ZFYVE26: variants seen among roughly 807,000 people sequenced by gnomAD.
The protein encoded by ZFYVE26 is zinc finger FYVE-type containing 26.
ZFYVE26 carries 181 observed loss-of-function variants against 276.5 expected under a neutral mutation model. The ratio of observed to expected loss-of-function variants is 0.65; its 90% CI spans 0.58 to 0.74. ZFYVE26 has a LOEUF of 0.74. Among genes scored for constraint, ZFYVE26 ranks in the 30% least tolerant of loss-of-function variants. The pLI is 0.00. For missense variants in ZFYVE26, 2,821 were observed against 3,097.9 expected (o/e 0.91, Z 2.12); for synonymous variants, 1,129 against 1,203.1 (o/e 0.94, Z 1.27).
intron 35 of ZFYVE26, among the ~76,000 whole-genome samples, chr14:67,757,817 C>A (rs534858957): frequency 6.6e-6 from 1 of 152,066 alleles, no homozygotes; most frequent in Admixed American, 6.6e-5. Context: ...TGGGTTCAAG[C>A]GATTCTCCTG....
Position 67,797,725 on chromosome 14 carries a change from G to T in ZFYVE26, c.2279C>A (p.Ala760Asp), listed in dbSNP as rs1417796373. 1 of 1,614,192 alleles carries T rather than the reference G, an allele frequency of 6.2e-7. No individual in the cohort carries two copies. The highest frequency in any genetic ancestry group is 8.5e-7 in the Non-Finnish European group (1 of 1,180,036). Reference protein sequence around the residue: ...EEQPSRRYQPATRHPSLRRGR... With the variant: ...EEQPSRRYQPDTRHPSLRRGR... ...CCGGCGGAGACTGGGGTGACGTGTGGCAGGCTGGTATCTTCGGGAAGGTTG... is the reference window on the plus strand; with the variant it reads ...CCGGCGGAGACTGGGGTGACGTGTGTCAGGCTGGTATCTTCGGGAAGGTTG... The change falls in exon 12 of 42, where the codon GCC (alanine) becomes GAC (aspartate). Residue 760 changes from alanine to aspartate, a missense_variant. Coordinates refer to ENST00000347230, the MANE Select transcript of ZFYVE26 (RefSeq NM_015346.4).
At chr14:67,770,763 A>T (rs2039188955) in intron 28 of ZFYVE26, among the ~76,000 whole-genome samples, 1 of 152,184 alleles carries the variant, frequency 6.6e-6, no homozygotes, top group African/African-American at 2.4e-5. Flanking sequence ...GAATTTAAAG[A>T]TTAGAAACTC....
intron 23 of ZFYVE26, among the ~76,000 whole-genome samples, chr14:67,779,086 T>C (rs2039427957): frequency 6.7e-6 from 1 of 150,006 alleles, no homozygotes; most frequent in Admixed American, 6.6e-5. Context: ...ACTTCCTGAA[T>C]GAACGAACAT....
intron 12 of ZFYVE26, chr14:67,797,224 A>G (rs911775997): frequency 4.6e-6 from 1 of 216,298 alleles, no homozygotes; most frequent in Admixed American, 5.2e-5. Context: ...CTGTATTTAC[A>G]CAAGTATGCA....
chr14:67,789,171 C>G (rs1298613742), intron 16 of ZFYVE26, among the ~76,000 whole-genome samples, 164 bp downstream of exon 16: 1 of 152,190 alleles, frequency 6.6e-6, no homozygotes, highest in Non-Finnish European at 1.5e-5. Flanking sequence ...TTTTGTCTCT[C>G]AACAGACTGT....
intron 12 of ZFYVE26, 132 bp from the exon 13 acceptor site, chr14:67,794,371 C>T (rs533106650): frequency 1.1e-6 from 1 of 901,296 alleles, no homozygotes; most frequent in Non-Finnish European, 1.8e-6. Context: ...ACACCTGCTG[C>T]TCCTTCTACA....
intron 4 of ZFYVE26, 149 bp from the exon 5 acceptor site, chr14:67,808,069 GTTC>G: frequency 1.1e-6 from 1 of 935,428 alleles, no homozygotes; most frequent in Non-Finnish European, 1.6e-6. Flanking sequence ...GTTAGACATT[GTTC>G]TAAGGCCCTT....
At chr14:67,738,748 T>C (rs986807657) in intron 13 of ZFYVE26, among the ~76,000 whole-genome samples, 2 of 152,208 alleles carry the variant, frequency 1.3e-5, no homozygotes, top group African/African-American at 2.4e-5. Flanking sequence ...AATATTCTTA[T>C]ATCTTACTTG....
chr14:67,809,050 TA>T, intron 4 of ZFYVE26, 149 bp downstream of exon 4: 1 of 735,056 alleles, frequency 1.4e-6, no homozygotes. Flanking sequence ...ACCCTAACTC[TA>T]AACTCTCCTC....
chr14:67,782,056 C>G (rs960391479), intron 21 of ZFYVE26, among the ~76,000 whole-genome samples: 1 of 152,220 alleles, frequency 6.6e-6, no homozygotes, highest in African/African-American at 2.4e-5. Context: ...ATTAAGAACA[C>G]ACAGCCAGTC....
intron 2 of ZFYVE26, among the ~76,000 whole-genome samples, chr14:67,815,326 G>A (rs960314270): frequency 1.3e-5 from 2 of 152,160 alleles, no homozygotes; most frequent in African/African-American, 4.8e-5. Context: ...GGGCAGACTG[G>A]GAAAAGGATA....
At chr14:67,793,567 C>T (rs754939647) in intron 14 of ZFYVE26, 41 bp downstream of exon 14, 1 of 1,605,858 alleles carries the variant, frequency 6.2e-7, no homozygotes, top group East Asian at 2.2e-5. Flanking sequence ...TTACCTGATG[C>T]TAAGTCATTC....
At position 67,797,687 on chromosome 14, in the gene ZFYVE26, T is replaced by C; in HGVS notation, c.2317A>G (p.Arg773Gly). The change falls in exon 12 of 42, where the codon AGA becomes GGA. Residue 773 changes from arginine (R) to glycine (G), a missense_variant. By Grantham distance (125) the Arg-to-Gly change is moderately radical. Transcript: ENST00000347230. ...TTCAGATTACCTGCCTGGCTCCTTC[T>C]TGTCCGACGACCCCGGCGGAGACTG... ...HPSLRRGRRTRRSQADGRDRG... is the reference protein window; with the variant it reads ...HPSLRRGRRTGRSQADGRDRG... 1 of 1,614,210 alleles carries C rather than the reference T, an allele frequency of 6.2e-7. No individual in the cohort carries two copies. Among genetic ancestry groups the C allele is most frequent in the South Asian group, 1.1e-5 (1 of 91,080 alleles).
chr14:67,786,028 G>T lies in ZFYVE26; in HGVS notation c.3140-6C>A, dbSNP rs200295131. ...TCCCTTTTCTTCCACACTCTCTATG[G>T]AAAGCAAATGAGAAAGAAAAAGTAA... is the stretch of plus-strand genomic sequence containing the variant. On this transcript the variant is annotated splice_region_variant and splice_polypyrimidine_tract_variant and intron_variant, in intron 17 of 41. Coordinates refer to ENST00000347230, the MANE Select transcript of ZFYVE26 (RefSeq NM_015346.4). 1.5e-5 allele frequency: 24 copies of T among 1,614,102 alleles called. No homozygotes were observed. In the Admixed American group the frequency reaches 1.7e-4, roughly 11 times the overall value.
At chr14:67,766,874 A>AT (rs1267942527) in intron 31 of ZFYVE26, among the ~76,000 whole-genome samples, 6 of 150,414 alleles carry the variant, frequency 4.0e-5, no homozygotes, top group Non-Finnish European at 5.9e-5. Flanking sequence ...TAATTTTTGT[A>AT]TTTTTTTTTG....
At chr14:67,742,344 C>A (rs2038424082), downstream of ZFYVE26, among the ~76,000 whole-genome samples, 2 of 152,106 alleles carry the variant, frequency 1.3e-5, no homozygotes, top group Admixed American at 1.3e-4. Context: ...CACAACAATG[C>A]AAATGTACTT....
At position 67,805,324 on chromosome 14, in the gene ZFYVE26, A is replaced by G; in HGVS notation, c.1183-19T>C. The G allele has an allele frequency of 6.2e-7, 1 of 1,614,102 alleles. No individual in the cohort carries two copies. The highest frequency in any genetic ancestry group is 1.3e-5 in the African/African-American group (1 of 75,042). On this transcript the variant is annotated intron_variant, in intron 7 of 41. Coordinates refer to ENST00000347230, the MANE Select transcript of ZFYVE26 (RefSeq NM_015346.4). ...CTGGGCCCTATGTTGATATGGGAGA[A>G]GAAAGAGATGCTGACTCAGGCACCT... is the stretch of plus-strand genomic sequence containing the variant.
At chr14:67,736,872 G>C (rs2038358871) in intron 13 of ZFYVE26, among the ~76,000 whole-genome samples, 1 of 152,108 alleles carries the variant, frequency 6.6e-6, no homozygotes, top group African/African-American at 2.4e-5. Flanking sequence ...AGGTGATCCT[G>C]TTCCACAGAG....
In ZFYVE26 at chr14:67,798,515, G is replaced by C. The variant is rs200052406; in HGVS notation, c.1747C>G (p.Leu583Val). Residue 583 changes from leucine to valine, a missense_variant, in exon 11 of 42, where the codon CTC becomes GTC. By Grantham distance (32) the Leu-to-Val change is conservative (BLOSUM62 1). Transcript: ENST00000347230. ...ELLENIFSLL[L>V]ITSADLHPEP... ...GGGTGAAGATCAGCAGAGGTGATGA[G>C]AAGCAATGAGAAGATGTTTTCCAGA... 19 of 1,614,156 alleles carry C rather than the reference G, an allele frequency of 1.2e-5. No homozygotes were observed. The East Asian group carries it at 4.0e-4, about 34-fold the overall frequency.
Sources: gnomAD v4.1 joint callset for allele counts (sites outside exome capture counted in the v4.1 genomes callset) on GRCh38, gnomAD v4.1.1 for gene constraint, MANE v1.5 for transcripts, NCBI Gene and HGNC (gene_info 2026-07-23, HGNC 2026-07-21) for gene names.